Variants in AP2A2 observed in about 807,000 individuals in gnomAD.
AP2A2 encodes the protein adaptor related protein complex 2 subunit alpha 2.
AP2A2 carries 32 observed loss-of-function variants against 104.2 expected under a neutral mutation model. The observed-to-expected ratio is 0.31, with a 90% CI of 0.23 to 0.41. The LOEUF is 0.41. Among genes scored for constraint, AP2A2 ranks in the 10% least tolerant of loss-of-function variants. AP2A2 has a pLI of 1.00. For synonymous variants in AP2A2, 539 were observed against 533.3 expected (o/e 1.01, Z -0.15); for missense variants, 912 against 1,261.0 (o/e 0.72, Z 4.19).
In AP2A2 at chr11:925,892, A is replaced by C; in HGVS notation, c.-130A>C. The C allele has an allele frequency of 1.6e-6, 1 of 608,270 alleles. No homozygotes were observed. The highest frequency in any genetic ancestry group is 2.4e-6 in the Non-Finnish European group (1 of 413,126). 37.7% of individuals were successfully genotyped at this position (608,270 alleles called of 1,614,324 possible). On this transcript the variant is annotated 5_prime_UTR_variant, in exon 1 of 22. Coordinates refer to ENST00000448903, the MANE Select transcript of AP2A2 (RefSeq NM_012305.4). ...CCCAGAAAGCGGCGCTGGGACCCTG[A>C]GGCGGCCGTGGTTAGGCGGCTCCCC...
intron 3 of AP2A2, among the ~76,000 whole-genome samples, chr11:971,277 G>A (rs1854818180): frequency 2.0e-5 from 3 of 152,036 alleles, no homozygotes; most frequent in African/African-American, 7.2e-5. Context: ...TTGAGCTGAG[G>A]CTGGAGGGAG....
chr11:966,552 C>T (rs986998417), intron 2 of AP2A2, among the ~76,000 whole-genome samples: 2 of 152,136 alleles, frequency 1.3e-5, no homozygotes, highest in African/African-American at 4.8e-5. Context: ...TTCATTTTAC[C>T]GTGAGTTTGC....
intron 1 of AP2A2, among the ~76,000 whole-genome samples, chr11:930,223 C>T (rs1446242242): frequency 6.6e-6 from 1 of 151,778 alleles, no homozygotes; most frequent in African/African-American, 2.4e-5. Flanking sequence ...AAGTAACCCA[C>T]TCCCAGCAGA....
chr11:952,813 A>G (rs565876642), intron 1 of AP2A2, among the ~76,000 whole-genome samples: 2 of 152,284 alleles, frequency 1.3e-5, no homozygotes, highest in Admixed American at 1.3e-4. Flanking sequence ...TCCTCAAGCT[A>G]ATTTATCTAA....
At position 1,000,449 on chromosome 11, in the gene AP2A2, G is replaced by C; in HGVS notation, c.1974G>C (p.Ser658=). 1 of 1,543,586 alleles carries C rather than the reference G, an allele frequency of 6.5e-7. No individual in the cohort carries two copies. The highest frequency in any genetic ancestry group is 2.0e-5 in the Admixed American group (1 of 51,222). Residue 658 remains serine, a synonymous_variant, in exon 15 of 22, where the codon TCG becomes TCC. Transcript: ENST00000448903. ...STSAVSTPSP[S]ADLLGLGAAP... is the part of the protein sequence containing the mutation. ...TCTTCCAGTCTACGCCTTCTCCGTC[G>C]GCAGACCTGCTGGGTCTCGGGGCTG...
chr11:994,789 G>C (rs1431083120), intron 14 of AP2A2, among the ~76,000 whole-genome samples: 1 of 132,286 alleles, frequency 7.6e-6, no homozygotes, highest in African/African-American at 3.0e-5. Flanking sequence ...TGCACACCCT[G>C]CTGGCCTGTC....
chr11:992,739 G>A lies in AP2A2; in HGVS notation c.1452+54G>A. On this transcript the variant is annotated intron_variant, in intron 11 of 21. Coordinates refer to ENST00000448903, the MANE Select transcript of AP2A2 (RefSeq NM_012305.4). The surrounding 1 kb of genome is among the most constrained non-coding windows in gnomAD (Gnocchi z 6.4). ...GGGGTGGAGGGCAGTTGCAGAAGGT[G>A]AGCAGTGAGTGGTTCCAGCCTGCCT... The A allele has an allele frequency of 5.6e-6, 9 of 1,602,342 alleles. No individual in the cohort carries two copies. Among genetic ancestry groups the A allele is most frequent in the South Asian group, 1.1e-5 (1 of 90,566 alleles).
At chr11:952,974 G>T (rs1854101298) in intron 1 of AP2A2, among the ~76,000 whole-genome samples, 1 of 152,188 alleles carries the variant, frequency 6.6e-6, no homozygotes, top group African/African-American at 2.4e-5. Flanking sequence ...TTACAGGAGA[G>T]CCCCTGACAG....
rs1348356092 is a variant in AP2A2 at position 961,123 on chromosome 11, C to G, written c.136+1618C>G. On this transcript the variant is annotated intron_variant, in intron 2 of 21. Transcript: ENST00000448903. The stretch of plus-strand genomic sequence containing the variant: ...GGAGATGTGGGTCTGACAGTCACCA[C>G]CACCAGTGAAAAGTAAAGGGCAGAA... 3.3e-5 allele frequency among the ~76,000 whole-genome samples: 5 copies of G among 152,002 alleles called. No individual in the cohort carries two copies. The East Asian group carries it at 9.7e-4, about 29-fold the overall frequency.
At chr11:986,716 C>A in intron 8 of AP2A2, 69 bp from the exon 9 acceptor site, 7 of 1,547,616 alleles carry the variant, frequency 4.5e-6, no homozygotes, top group Non-Finnish European at 6.1e-6. Context: ...CGTCGGGGAA[C>A]GCAGACTCTG....
intron 4 of AP2A2, among the ~76,000 whole-genome samples, chr11:974,139 G>A (rs1191865519): frequency 1.3e-5 from 2 of 152,168 alleles, no homozygotes; most frequent in Non-Finnish European, 2.9e-5. Flanking sequence ...GCAGCCAGAA[G>A]GGAGCAGGTG....
chr11:1,000,611 C>G lies in AP2A2; in HGVS notation c.2123+13C>G. The G allele has an allele frequency of 6.5e-7, 1 of 1,538,504 alleles. No individual in the cohort carries two copies. Among genetic ancestry groups the G allele is most frequent in the East Asian group, 2.4e-5 (1 of 41,254 alleles). The stretch of plus-strand genomic sequence containing the variant: ...ACAACTTTGCCAGGTAGTCAGGTTT[C>G]CTGAGTCCTGCAGACAGGCACGGGG... On this transcript the variant is annotated intron_variant, in intron 15 of 21. Transcript: ENST00000448903.
At chr11:996,748 A>C (rs1590011818) in intron 14 of AP2A2, among the ~76,000 whole-genome samples, 1 of 151,938 alleles carries the variant, frequency 6.6e-6, no homozygotes, top group East Asian at 1.9e-4. Flanking sequence ...GGATTTTCTG[A>C]GTGTGGCTTC....
At chr11:958,755 C>A (rs1193936168) in intron 1 of AP2A2, among the ~76,000 whole-genome samples, 1 of 152,100 alleles carries the variant, frequency 6.6e-6, no homozygotes, top group Non-Finnish European at 1.5e-5. Context: ...CCATCTAAAC[C>A]CAGCCACCTT....
chr11:976,053 C>G (rs993547446), intron 4 of AP2A2, among the ~76,000 whole-genome samples: 2 of 152,196 alleles, frequency 1.3e-5, no homozygotes, highest in South Asian at 2.1e-4. Context: ...TGCTGGGGGC[C>G]CAGTCATGGG....
Position 1,010,975 on chromosome 11 carries a change from G to T in AP2A2, c.*350G>T, listed in dbSNP as rs780319611. On this transcript the variant is annotated 3_prime_UTR_variant, in exon 22 of 22. Transcript: ENST00000448903. The stretch of plus-strand genomic sequence containing the variant: ...TGTCACTGAGATGGCCCGTGCTGCC[G>T]CCCACCCCGCCTCGGAGCCTCTGGG... 1 of 718,068 alleles carries T rather than the reference G, an allele frequency of 1.4e-6. No homozygotes were observed. 44.5% of individuals were successfully genotyped at this position (718,068 alleles called of 1,614,324 possible).
chr11:995,553 G>A (rs1353175207), intron 14 of AP2A2, among the ~76,000 whole-genome samples: 1 of 151,766 alleles, frequency 6.6e-6, no homozygotes, highest in Admixed American at 6.6e-5. Flanking sequence ...CTGTGGTGGT[G>A]CCTGCCCTGG....
intron 3 of AP2A2, among the ~76,000 whole-genome samples, chr11:970,719 A>AGG (rs1854793416): frequency 6.6e-6 from 1 of 152,222 alleles, no homozygotes; most frequent in Admixed American, 6.5e-5. Context: ...CGGCCTCCAG[A>AGG]GGAGGGGAGG....
chr11:984,602 C>A, intron 6 of AP2A2, 43 bp from the exon 7 acceptor site: 1 of 1,503,766 alleles, frequency 6.6e-7, no homozygotes, highest in Non-Finnish European at 9.2e-7. Context: ...GCAGTAGGGG[C>A]TCGTGTCCGG....
Sources: gnomAD v4.1 joint callset for allele counts (sites outside exome capture counted in the v4.1 genomes callset) on GRCh38, gnomAD v4.1.1 for gene constraint, Gnocchi (gnomAD v3.1) non-coding constraint, MANE v1.5 for transcripts, NCBI Gene and HGNC (gene_info 2026-07-23, HGNC 2026-07-21) for gene names.